Variants in NXPE2 observed in about 807,000 individuals in gnomAD.
NXPE2 encodes neurexophilin and PC-esterase domain family member 2.
NXPE2 carries 34 observed loss-of-function variants against 34.4 expected under a neutral mutation model. That is an observed-to-expected ratio of 0.99 (90% CI 0.75 to 1.31). The LOEUF (loss-of-function observed/expected upper bound fraction) is 1.31, where lower values mean the gene tolerates loss of function less well. Among genes scored for constraint, NXPE2 ranks in the 40% most tolerant of loss-of-function variants. NXPE2 has a pLI of 0.00. For synonymous variants in NXPE2, 235 were observed against 231.3 expected (o/e 1.02, Z -0.15); for missense variants, 649 against 672.5 (o/e 0.97, Z 0.39).
chr11:114,639,939 A>G, the NXPE2 span, among the ~76,000 whole-genome samples: 1 of 111,202 alleles, frequency 9.0e-6, no homozygotes, highest in Non-Finnish European at 1.6e-5. Flanking sequence ...ATTATATTAA[A>G]TATAACATAA....
chr11:114,492,575 A>G, the NXPE2 span, among the ~76,000 whole-genome samples: 5 of 149,250 alleles, frequency 3.4e-5, no homozygotes, highest in African/African-American at 5.0e-5. Flanking sequence ...GTCTTGCTCC[A>G]TCGCCCAGGC....
chr11:114,708,161 T>A (rs896752913), downstream of NXPE2, among the ~76,000 whole-genome samples: 3 of 152,174 alleles, frequency 2.0e-5, no homozygotes, highest in Admixed American at 6.5e-5. Flanking sequence ...CTTAGTGGGA[T>A]CATAATAGCA....
At chr11:114,498,095 AT>A in the NXPE2 span, among the ~76,000 whole-genome samples, 15 of 152,132 alleles carry the variant, frequency 9.9e-5, no homozygotes, top group South Asian at 3.1e-3. Context: ...ATCTATGTAT[AT>A]CTATTTTCTG....
the NXPE2 span, chr11:114,582,937 A>G: frequency 6.0e-4 from 974 of 1,614,016 alleles, 6 homozygotes; most frequent in Non-Finnish European, 2.4e-4. Context: ...GGCTTTAATG[A>G]TATCAGTGGT....
chr11:114,630,366 C>A, the NXPE2 span, among the ~76,000 whole-genome samples: 2 of 151,720 alleles, frequency 1.3e-5, no homozygotes, highest in South Asian at 2.1e-4. Context: ...AGAAATAACA[C>A]CACATTTCTA....
At chr11:114,508,678 C>T in the NXPE2 span, among the ~76,000 whole-genome samples, 5 of 152,222 alleles carry the variant, frequency 3.3e-5, no homozygotes, top group Non-Finnish European at 7.3e-5. Context: ...GCTGGGGTAG[C>T]TGGCTAGCCA....
chr11:114,737,854 G>A, the NXPE2 span, among the ~76,000 whole-genome samples: 292 of 152,198 alleles, frequency 1.9e-3, 2 homozygotes, highest in African/African-American at 6.5e-3. Flanking sequence ...AGGCCAAGGC[G>A]GGCAGATCAC....
At chr11:114,798,678 G>A in the NXPE2 span, among the ~76,000 whole-genome samples, 34 of 152,184 alleles carry the variant, frequency 2.2e-4, no homozygotes, top group Admixed American at 1.0e-3. Context: ...CACTGCACCC[G>A]GCCGGGACTC....
the NXPE2 span, chr11:114,580,430 AGG>A: frequency 9.7e-7 from 1 of 1,031,760 alleles, no homozygotes; most frequent in Non-Finnish European, 1.5e-6. Flanking sequence ...GTATCCTAAG[AGG>A]GGGTAAGGTG....
At chr11:114,799,227 G>GATAATTA in the NXPE2 span, among the ~76,000 whole-genome samples, 1 of 140,172 alleles carries the variant, frequency 7.1e-6, no homozygotes, top group South Asian at 2.3e-4. Flanking sequence ...GGGTATTTGT[G>GATAATTA]ATAATTAATA....
the NXPE2 span, among the ~76,000 whole-genome samples, chr11:114,810,937 C>T: frequency 6.6e-6 from 1 of 151,988 alleles, no homozygotes; most frequent in African/African-American, 2.4e-5. Flanking sequence ...TGGAACTGAC[C>T]TAAATGTCCA....
the NXPE2 span, among the ~76,000 whole-genome samples, chr11:114,627,397 G>A: frequency 6.6e-6 from 1 of 151,726 alleles, no homozygotes; most frequent in African/African-American, 2.4e-5. Context: ...TTTCAACCCA[G>A]AATTTCATAT....
At chr11:114,782,125 C>T in the NXPE2 span, among the ~76,000 whole-genome samples, 3 of 152,110 alleles carry the variant, frequency 2.0e-5, no homozygotes, top group African/African-American at 7.2e-5. Context: ...AGCTGTTATC[C>T]TCTAATGTTT....
the NXPE2 span, among the ~76,000 whole-genome samples, chr11:114,597,621 T>C: frequency 6.6e-6 from 1 of 152,116 alleles, no homozygotes; most frequent in East Asian, 1.9e-4. Context: ...CTTGGTTTCT[T>C]AATTCTCCAG....
intron 3 of NXPE2, among the ~76,000 whole-genome samples, chr11:114,699,281 C>T (rs951693599): frequency 6.6e-6 from 1 of 152,152 alleles, no homozygotes; most frequent in African/African-American, 2.4e-5. Flanking sequence ...TGCCATCATA[C>T]CTCAGATCCT....
chr11:114,766,350 A>C, the NXPE2 span, among the ~76,000 whole-genome samples: 3 of 152,152 alleles, frequency 2.0e-5, no homozygotes, highest in East Asian at 5.8e-4. Context: ...TGACGGAAGC[A>C]TCATAGCTAG....
At chr11:114,737,156 G>C in the NXPE2 span, among the ~76,000 whole-genome samples, 1 of 152,102 alleles carries the variant, frequency 6.6e-6, no homozygotes, top group Non-Finnish European at 1.5e-5. Context: ...CTTTGCTCTA[G>C]AATTTTAGTG....
At chr11:114,775,892 C>CA in the NXPE2 span, among the ~76,000 whole-genome samples, 18,925 of 122,030 alleles carry the variant, frequency 0.16, 1,249 homozygotes, top group Admixed American at 0.23. Context: ...AAAAAAAAAA[C>CA]AAAAAAACCC....
chr11:114,623,756 A>G, the NXPE2 span, among the ~76,000 whole-genome samples: 1 of 152,082 alleles, frequency 6.6e-6, no homozygotes, highest in Non-Finnish European at 1.5e-5. Context: ...TAACTGGTGG[A>G]TAATACATGT....
Sources: gnomAD v4.1 joint callset for allele counts (sites outside exome capture counted in the v4.1 genomes callset) on GRCh38, gnomAD v4.1.1 for gene constraint, MANE v1.5 for transcripts, NCBI Gene and HGNC (gene_info 2026-07-23, HGNC 2026-07-21) for gene names.